Variants in MPRIP observed in about 807,000 individuals in gnomAD.
MPRIP encodes the protein myosin phosphatase Rho interacting protein.
A neutral mutation model predicts 234.9 loss-of-function variants in MPRIP; 59 were observed. The observed-to-expected ratio is 0.25, with a 90% CI of 0.20 to 0.31. The LOEUF (loss-of-function observed/expected upper bound fraction) is 0.31, where lower values mean the gene tolerates loss of function less well. Ranked by LOEUF, MPRIP falls within the 10% of genes least tolerant of loss-of-function variation. The probability of loss-of-function intolerance (pLI) is 1.00; values close to 1 mark genes in which losing one functional copy is unlikely to be tolerated. For missense variants in MPRIP, 2,436 were observed against 3,071.0 expected (o/e 0.79, Z 4.89); for synonymous variants, 1,144 against 1,263.9 (o/e 0.91, Z 2.01).
At chr17:17,178,948 G>C (rs569709286) in intron 22 of MPRIP, among the ~76,000 whole-genome samples, 1 of 152,128 alleles carries the variant, frequency 6.6e-6, no homozygotes, top group Admixed American at 6.5e-5. Flanking sequence ...AACCTGTGCT[G>C]ACCTGTGGTG....
At chr17:17,125,209 G>C (rs2144380478) in intron 3 of MPRIP, among the ~76,000 whole-genome samples, 1 of 152,304 alleles carries the variant, frequency 6.6e-6, no homozygotes, top group East Asian at 1.9e-4. Context: ...GCTTGAATGT[G>C]GCTCCTCCTC....
At chr17:17,153,990 G>A (rs1013318821) in intron 12 of MPRIP, among the ~76,000 whole-genome samples, 4 of 152,188 alleles carry the variant, frequency 2.6e-5, no homozygotes, top group Non-Finnish European at 4.4e-5. Context: ...AAAGAGGGGT[G>A]CAGCATCCTC....
Position 17,165,071 on chromosome 17 carries a change from C to T in MPRIP, c.3480C>T (p.His1160=), listed in dbSNP as rs1027862005. The T allele has an allele frequency of 3.8e-6, 5 of 1,302,996 alleles. No individual in the cohort carries two copies. The African/African-American group carries it at 6.1e-5, about 16-fold the overall frequency. The allele number at this position is 1,302,996 out of a possible 1,614,324, so 80.7% of individuals were successfully genotyped here. A position where few individuals can be genotyped will look rare whatever the true frequency, so the allele number is the denominator to read the frequency against. ...QRVSSQLQSM[H]TLLREKEEEL... ...TCTCCAGCCAGCTGCAGAGCATGCACACTCTGCTGAGAGAGAAGGAGGAAG... is the reference window on the plus strand; with the variant it reads ...TCTCCAGCCAGCTGCAGAGCATGCATACTCTGCTGAGAGAGAAGGAGGAAG... Residue 1160 remains histidine, a synonymous_variant, in exon 16 of 24, where the codon CAC becomes CAT. Coordinates refer to ENST00000651222, the MANE Select transcript of MPRIP (RefSeq NM_001364716.4).
rs555470234 is a variant in MPRIP at position 17,136,182 on chromosome 17, C to T, written c.505-37C>T. ...TGTGACCCAACCTGAGCTGTGTGCT[C>T]CTGCACCTTCACAGACACCACTTTC... On this transcript the variant is annotated intron_variant, in intron 5 of 23. Transcript: ENST00000651222. 3.1e-5 allele frequency: 50 copies of T among 1,612,756 alleles called. 1 individual carries two copies. In the South Asian group the frequency reaches 5.2e-4, roughly 17 times the overall value.
intron 8 of MPRIP, among the ~76,000 whole-genome samples, chr17:17,143,354 G>T (rs1475337818): frequency 6.6e-6 from 1 of 152,220 alleles, no homozygotes; most frequent in Non-Finnish European, 1.5e-5. Context: ...AAAAGAAAAG[G>T]CTGCTCTATC....
chr17:17,100,645 G>T (rs1338720859), intron 3 of MPRIP, among the ~76,000 whole-genome samples: 1 of 151,982 alleles, frequency 6.6e-6, no homozygotes, highest in Non-Finnish European at 1.5e-5. Context: ...GGTCTAGGTT[G>T]TGTGCTCCTT....
intron 3 of MPRIP, among the ~76,000 whole-genome samples, chr17:17,084,719 C>G (rs1332489093): frequency 6.6e-6 from 1 of 152,196 alleles, no homozygotes; most frequent in Admixed American, 6.5e-5. Flanking sequence ...CCTTCCTGAC[C>G]CTCTGGTTTG....
At chr17:17,069,336 T>C (rs2089136471) in intron 1 of MPRIP, among the ~76,000 whole-genome samples, 1 of 152,228 alleles carries the variant, frequency 6.6e-6, no homozygotes, top group Non-Finnish European at 1.5e-5. Flanking sequence ...AGTGAATTTT[T>C]TGTAGACAGT....
chr17:17,129,311 C>T (rs748097901), intron 4 of MPRIP, among the ~76,000 whole-genome samples: 4 of 152,168 alleles, frequency 2.6e-5, no homozygotes, highest in Admixed American at 1.3e-4. Context: ...CTCACTCATC[C>T]GGGCTCTGCC....
chr17:17,159,127 A>C, intron 14 of MPRIP, 125 bp downstream of exon 14: 1 of 977,378 alleles, frequency 1.0e-6, no homozygotes, highest in East Asian at 2.6e-5. Flanking sequence ...GCAGACCCCT[A>C]GGGGAGACAG....
chr17:17,166,175 C>CG lies in MPRIP; in HGVS notation c.4588dup (p.Ala1530GlyfsTer26). 1 of 1,302,562 alleles carries CG rather than the reference C, an allele frequency of 7.7e-7. No individual in the cohort carries two copies. Among genetic ancestry groups the CG allele is most frequent in the Non-Finnish European group, 1.0e-6 (1 of 988,160 alleles). 80.7% of individuals were successfully genotyped at this position (1,302,562 alleles called of 1,614,324 possible). A position where few individuals can be genotyped will look rare whatever the true frequency, so the allele number is the denominator to read the frequency against. Reference sequence around the variant, plus strand: ...AGCACTGGCCGGCCCCAGCCCATGGCGGGGCCCGTGCACAGCTGGAGACAG... The same window carrying CG: ...AGCACTGGCCGGCCCCAGCCCATGGCGGGGGCCCGTGCACAGCTGGAGACAG... On this transcript the variant is annotated frameshift_variant, in exon 16 of 24. Transcript: ENST00000651222. LOFTEE classifies it high-confidence loss of function. The surrounding 1 kb of genome is among the most constrained non-coding windows in gnomAD (Gnocchi z 4.4).
intron 23 of MPRIP, among the ~76,000 whole-genome samples, chr17:17,183,980 G>A (rs2046424668): frequency 6.6e-6 from 1 of 152,362 alleles, no homozygotes; most frequent in East Asian, 1.9e-4. Flanking sequence ...GCGACACTTA[G>A]CGTGAAGAGG....
intron 16 of MPRIP, 144 bp downstream of exon 16, chr17:17,168,059 C>T: frequency 1.5e-6 from 1 of 652,420 alleles, no homozygotes; most frequent in South Asian, 1.8e-5. Context: ...GTGGTCTCAG[C>T]AGGGCCTGGG....
chr17:17,136,553 C>A, intron 6 of MPRIP, 103 bp downstream of exon 6: 1 of 1,111,602 alleles, frequency 9.0e-7, no homozygotes, highest in Non-Finnish European at 1.3e-6. Context: ...CAGTCGCAAG[C>A]CTGGACCTCG....
At chr17:17,124,185 G>A (rs1335111719) in intron 3 of MPRIP, among the ~76,000 whole-genome samples, 1 of 152,200 alleles carries the variant, frequency 6.6e-6, no homozygotes, top group Non-Finnish European at 1.5e-5. Context: ...TTCAGCAGCA[G>A]AGCAGGGGCT....
intron 3 of MPRIP, among the ~76,000 whole-genome samples, chr17:17,091,920 TA>T (rs1349131934): frequency 1.3e-5 from 2 of 152,232 alleles, no homozygotes; most frequent in East Asian, 3.8e-4. Context: ...CAGCATTCTA[TA>T]TAAACATCGA....
intron 3 of MPRIP, among the ~76,000 whole-genome samples, chr17:17,124,367 T>G (rs2090451459): frequency 6.6e-6 from 1 of 152,228 alleles, no homozygotes; most frequent in South Asian, 2.1e-4. Flanking sequence ...CTTTGGAATT[T>G]CTGTTGATAT....
At position 17,164,664 on chromosome 17, in the gene MPRIP, C is replaced by A; in HGVS notation, c.3073C>A (p.Leu1025Met). 1 of 1,246,718 alleles carries A rather than the reference C, an allele frequency of 8.0e-7. No individual in the cohort carries two copies. The highest frequency in any genetic ancestry group is 1.0e-6 in the Non-Finnish European group (1 of 964,154). 77.2% of individuals were successfully genotyped at this position (1,246,718 alleles called of 1,614,324 possible). A position where few individuals can be genotyped will look rare whatever the true frequency, so the allele number is the denominator to read the frequency against. ...GAAGCTGCAGAGAAACTATGAGCTG[C>A]TGCTGGAGAGCTGTGAGAAGGAGAA... is the stretch of plus-strand genomic sequence containing the variant. ...EEKLQRNYELLLESCEKEKQA... is the reference protein window; with the variant it reads ...EEKLQRNYELMLESCEKEKQA... Residue 1025 changes from leucine (L) to methionine (M), a missense_variant, in exon 16 of 24, where the codon CTG (leucine) becomes ATG (methionine). By Grantham distance (15) the Leu-to-Met change is conservative. Coordinates refer to ENST00000651222, the MANE Select transcript of MPRIP (RefSeq NM_001364716.4).
chr17:17,043,227 G>T (rs1276506398), intron 1 of MPRIP, among the ~76,000 whole-genome samples: 1 of 152,182 alleles, frequency 6.6e-6, no homozygotes, highest in Non-Finnish European at 1.5e-5. Context: ...ACTCAAAAGT[G>T]CCTGGTTTCG....
Sources: gnomAD v4.1 joint callset for allele counts (sites outside exome capture counted in the v4.1 genomes callset) on GRCh38, gnomAD v4.1.1 for gene constraint, Gnocchi (gnomAD v3.1) non-coding constraint, MANE v1.5 for transcripts, NCBI Gene and HGNC (gene_info 2026-07-23, HGNC 2026-07-21) for gene names.